The following NRXN3 variants were observed in gnomAD, a reference collection of about 807,000 sequenced individuals.
NRXN3 encodes the protein neurexin 3, also known as neurexin III.
Under a neutral mutation model 137.6 loss-of-function variants are expected in NRXN3, and 32 were observed. The ratio of observed to expected loss-of-function variants is 0.23; its 90% CI spans 0.18 to 0.31. The LOEUF (loss-of-function observed/expected upper bound fraction) is 0.31, where lower values mean the gene tolerates loss of function less well. NRXN3 is among the 10% of genes least tolerant of loss of function. NRXN3 has a pLI of 1.00. For synonymous variants in NRXN3, 798 were observed against 784.5 expected (o/e 1.02, Z -0.29); for missense variants, 1,574 against 2,062.5 (o/e 0.76, Z 4.59).
chr14:79,731,155 G>C (rs192180226), intron 19 of NRXN3, among the ~76,000 whole-genome samples: 17 of 152,106 alleles, frequency 1.1e-4, no homozygotes, highest in African/African-American at 4.1e-4. Flanking sequence ...AGGGTAGATC[G>C]AATGAACACA....
intron 19 of NRXN3, among the ~76,000 whole-genome samples, chr14:79,804,322 G>T (rs1348898187): frequency 6.6e-6 from 1 of 152,092 alleles, no homozygotes; most frequent in Middle Eastern, 3.2e-3. Flanking sequence ...CTCACCTACT[G>T]TATGGAGGGC....
At chr14:78,460,293 T>A (rs2094884517) in intron 4 of NRXN3, among the ~76,000 whole-genome samples, 1 of 152,204 alleles carries the variant, frequency 6.6e-6, no homozygotes, top group Admixed American at 6.5e-5. Flanking sequence ...TAGGCATAAT[T>A]GATTACATCA....
intron 4 of NRXN3, among the ~76,000 whole-genome samples, chr14:78,469,495 A>G (rs988606531): frequency 2.6e-5 from 4 of 152,334 alleles, no homozygotes; most frequent in East Asian, 1.9e-4. Flanking sequence ...AAGGGGCACT[A>G]TGACAAAGTC....
chr14:78,700,589 G>A (rs1594884406), intron 6 of NRXN3, among the ~76,000 whole-genome samples: 1 of 152,024 alleles, frequency 6.6e-6, no homozygotes, highest in South Asian at 2.1e-4. Context: ...CCCCCTACTT[G>A]CCAGTTCATG....
At chr14:78,244,820 A>T (rs576793431) in intron 2 of NRXN3, among the ~76,000 whole-genome samples, 2 of 152,320 alleles carry the variant, frequency 1.3e-5, no homozygotes, top group Admixed American at 6.5e-5. Context: ...CCTCCAAGGG[A>T]GCTGAGAGTA....
At position 79,678,998 on chromosome 14, in the gene NRXN3, A is replaced by G. The variant is rs115071099; in HGVS notation, c.3617-13175A>G. 7.1e-3 allele frequency among the ~76,000 whole-genome samples: 1,084 copies of G among 152,048 alleles called. 15 individuals are homozygous for G. The highest frequency in any genetic ancestry group is 0.024 in the African/African-American group (1,009 of 41,484). The stretch of plus-strand genomic sequence containing the variant: ...TTTTATTCATCTAATTTAAAATGAG[A>G]GACTTTATCTTTCTTCCACCAAGAT... On this transcript the variant is annotated intron_variant, in intron 17 of 20. Transcript: ENST00000335750.
chr14:79,537,123 T>C (rs113013416), intron 16 of NRXN3, among the ~76,000 whole-genome samples: 4 of 152,294 alleles, frequency 2.6e-5, no homozygotes, highest in African/African-American at 9.6e-5. Context: ...TAGCATCTGT[T>C]GTTTCTTGAC....
chr14:79,643,539 G>T (rs1199665862), intron 16 of NRXN3, among the ~76,000 whole-genome samples: 1 of 135,160 alleles, frequency 7.4e-6, no homozygotes, highest in Non-Finnish European at 1.7e-5. Context: ...CAACTGAAGA[G>T]AGTTTATATT....
At position 78,446,765 on chromosome 14, in the gene NRXN3, C is replaced by A. The variant is rs544865197; in HGVS notation, c.757+148905C>A. Among the ~76,000 whole-genome samples the A allele has an allele frequency of 2.6e-5, 4 of 152,310 alleles. No homozygotes were observed. The South Asian group carries it at 6.2e-4, about 24-fold the overall frequency. On this transcript the variant is annotated intron_variant, in intron 4 of 20. Coordinates refer to ENST00000335750, the MANE Select transcript of NRXN3 (RefSeq NM_001330195.2). ...ATGAGTAGCTGCCCTGGTTAAAGAT[C>A]GCATTTGCCTCAACCTAAGTTGGGG... is the stretch of plus-strand genomic sequence containing the variant.
chr14:78,652,259 C>T (rs1010811117), intron 6 of NRXN3, among the ~76,000 whole-genome samples: 2 of 152,170 alleles, frequency 1.3e-5, no homozygotes, highest in Admixed American at 1.3e-4. Context: ...CTTCTTCTTC[C>T]CTGAGAGCTA....
rs559110757 is a variant in NRXN3, at chr14:78,780,677, G to T, written c.2045-22943G>T. On this transcript the variant is annotated intron_variant, in intron 8 of 20. Transcript: ENST00000335750. Reference sequence around the variant, plus strand: ...AAATGACAGATGCCAAAACCAAAATGGATAGTTAACATATAACACATAAAA... The same window carrying T: ...AAATGACAGATGCCAAAACCAAAATTGATAGTTAACATATAACACATAAAA... Among the ~76,000 whole-genome samples, 10 of 152,156 alleles carry T rather than the reference G, an allele frequency of 6.6e-5. No individual in the cohort carries two copies. In the South Asian group the frequency reaches 1.9e-3, roughly 28 times the overall value.
chr14:78,602,267 C>CTT (rs370669288), intron 4 of NRXN3, among the ~76,000 whole-genome samples: 10,303 of 115,160 alleles, frequency 0.089, 572 homozygotes, highest in East Asian at 0.18. Flanking sequence ...TCACATTAGC[C>CTT]TTTTTTTTTT....
intron 15 of NRXN3, among the ~76,000 whole-genome samples, chr14:79,295,812 C>T (rs1169244261): frequency 1.3e-5 from 2 of 152,152 alleles, no homozygotes; most frequent in African/African-American, 4.8e-5. Flanking sequence ...GCAGCTGACT[C>T]CATAATATCT....
intron 4 of NRXN3, among the ~76,000 whole-genome samples, chr14:78,431,591 G>A (rs1008665983): frequency 1.6e-4 from 25 of 152,130 alleles, no homozygotes; most frequent in African/African-American, 5.8e-4. Flanking sequence ...GGGAGGGAAA[G>A]TATGTGCTTG....
At chr14:78,768,937 A>G (rs541765132) in intron 8 of NRXN3, among the ~76,000 whole-genome samples, 8 of 152,328 alleles carry the variant, frequency 5.3e-5, no homozygotes, top group African/African-American at 1.7e-4. Flanking sequence ...TTACAAAGGC[A>G]TGATTAATTA....
chr14:78,711,705 T>C (rs964517548), intron 7 of NRXN3, among the ~76,000 whole-genome samples: 1 of 152,136 alleles, frequency 6.6e-6, no homozygotes, highest in Non-Finnish European at 1.5e-5. Context: ...CCTCCCAAAG[T>C]GCTGGGATTA....
At chr14:79,654,596 T>C (rs2098496078) in intron 16 of NRXN3, among the ~76,000 whole-genome samples, 2 of 152,204 alleles carry the variant, frequency 1.3e-5, no homozygotes. Flanking sequence ...TGCTGATCTC[T>C]GCTCTAGGCC....
At chr14:79,348,656 C>G (rs1407910181) in intron 15 of NRXN3, among the ~76,000 whole-genome samples, 1 of 152,130 alleles carries the variant, frequency 6.6e-6, no homozygotes, top group East Asian at 1.9e-4. Flanking sequence ...GGATTACAGG[C>G]GTAAGCCACC....
intron 10 of NRXN3, among the ~76,000 whole-genome samples, chr14:78,833,658 T>C (rs749177396): frequency 6.6e-6 from 1 of 152,188 alleles, no homozygotes; most frequent in Non-Finnish European, 1.5e-5. Flanking sequence ...TTTTGAACTA[T>C]CAGGGTAGAG....
Sources: allele counts gnomAD v4.1 joint callset (sites outside exome capture counted in the v4.1 genomes callset), GRCh38; gene constraint gnomAD v4.1.1; transcripts MANE v1.5; gene names NCBI Gene and HGNC (gene_info 2026-07-23, HGNC 2026-07-21).